The following ELL2 variants were observed in gnomAD, a reference collection of about 807,000 sequenced individuals.
ELL2 encodes elongation factor for RNA polymerase II 2.
In ELL2, 21 loss-of-function variants were observed where a neutral mutation model predicts 72.8. The observed-to-expected ratio is 0.29, with a 90% CI of 0.20 to 0.42. The LOEUF is 0.42. Ranked by LOEUF, ELL2 falls within the 10% of genes least tolerant of loss-of-function variation. The probability of loss-of-function intolerance (pLI) is 1.00; values close to 1 mark genes in which losing one functional copy is unlikely to be tolerated. For missense variants in ELL2, 568 were observed against 772.8 expected, an observed-to-expected ratio of 0.73 and a Z score of 3.14; for synonymous variants, 266 against 283.2, an observed-to-expected ratio of 0.94 and a Z score of 0.61.
At chr5:95,913,163 T>C (rs1238258919) in intron 4 of ELL2, among the ~76,000 whole-genome samples, 9 of 152,170 alleles carry the variant, frequency 5.9e-5, no homozygotes, top group Non-Finnish European at 1.5e-5. Context: ...ATGATAAAAA[T>C]GATGGGGGTC....
At chr5:95,944,142 A>T (rs972925459) in intron 1 of ELL2, among the ~76,000 whole-genome samples, 4 of 152,184 alleles carry the variant, frequency 2.6e-5, no homozygotes, top group African/African-American at 9.7e-5. Flanking sequence ...AATGCTTCCC[A>T]AAACTTCTCT....
chr5:95,955,574 C>G (rs1213771569), intron 1 of ELL2, among the ~76,000 whole-genome samples: 1 of 152,170 alleles, frequency 6.6e-6, no homozygotes, highest in Non-Finnish European at 1.5e-5. Context: ...TCGCTGGTAA[C>G]CTGACCCGAG....
At chr5:95,943,078 G>A in intron 1 of ELL2, 29 bp from the exon 2 acceptor site, 2 of 1,572,758 alleles carry the variant, frequency 1.3e-6, no homozygotes, top group Non-Finnish European at 1.7e-6. Context: ...GAAACAAACA[G>A]GTAAACCTTG....
At chr5:95,938,894 AAGTT>A (rs777763667) in intron 2 of ELL2, among the ~76,000 whole-genome samples, 120 of 152,278 alleles carry the variant, frequency 7.9e-4, no homozygotes, top group Admixed American at 2.1e-3. Context: ...TACTGTGACA[AAGTT>A]AGCATTATTT....
At chr5:95,922,663 T>C (rs1319713350) in intron 2 of ELL2, among the ~76,000 whole-genome samples, 1 of 152,248 alleles carries the variant, frequency 6.6e-6, no homozygotes, top group Non-Finnish European at 1.5e-5. Flanking sequence ...TATGCATTTT[T>C]TTCTCTTAAA....
intron 1 of ELL2, among the ~76,000 whole-genome samples, chr5:95,957,398 A>AAT (rs546005102): frequency 2.5e-4 from 38 of 152,356 alleles, no homozygotes; most frequent in African/African-American, 8.2e-4. Context: ...AACAATTTAA[A>AAT]ATGACTATAA....
At chr5:95,901,688 A>G (rs1749149928) in intron 5 of ELL2, among the ~76,000 whole-genome samples, 1 of 152,222 alleles carries the variant, frequency 6.6e-6, no homozygotes, top group African/African-American at 2.4e-5. Flanking sequence ...ACAACAGTCG[A>G]TTTGAAAACG....
intron 5 of ELL2, among the ~76,000 whole-genome samples, chr5:95,903,756 T>C: frequency 6.6e-6 from 1 of 152,172 alleles, no homozygotes; most frequent in East Asian, 1.9e-4. Context: ...CATATAACTA[T>C]CTACTGACAT....
chr5:95,919,659 T>G, intron 2 of ELL2, 114 bp from the exon 3 acceptor site: 24 of 1,250,934 alleles, frequency 1.9e-5, no homozygotes, highest in Non-Finnish European at 2.6e-5. Context: ...TAAGCCCTTT[T>G]GATATATACA....
At chr5:95,914,920 G>A (rs1004812012) in intron 3 of ELL2, among the ~76,000 whole-genome samples, 1 of 152,114 alleles carries the variant, frequency 6.6e-6, no homozygotes, top group South Asian at 2.1e-4. Context: ...AGATGGCTCT[G>A]TTTCAAAGTA....
intron 8 of ELL2, among the ~76,000 whole-genome samples, chr5:95,896,514 T>C (rs1748883121): frequency 6.6e-6 from 1 of 152,236 alleles, no homozygotes; most frequent in Admixed American, 6.5e-5. Flanking sequence ...CTCGGTTTAA[T>C]ATTTTAAAGG....
chr5:95,926,981 T>C (rs1026769877), intron 2 of ELL2, among the ~76,000 whole-genome samples: 2 of 152,190 alleles, frequency 1.3e-5, no homozygotes, highest in African/African-American at 2.4e-5. Flanking sequence ...TCTCTATTAA[T>C]ATGAAATTAG....
Position 95,919,476 on chromosome 5 carries a change from C to A in ELL2, c.265G>T (p.Gly89Cys). 1 of 1,594,202 alleles carries A rather than the reference C, an allele frequency of 6.3e-7. No individual in the cohort carries two copies. Among genetic ancestry groups the A allele is most frequent in the Non-Finnish European group, 8.5e-7 (1 of 1,173,480 alleles). Residue 89 changes from glycine (G) to cysteine (C), a missense_variant, in exon 3 of 12, where the codon GGC (glycine) becomes TGC (cysteine). Physicochemically the swap from Gly to Cys is radical, Grantham distance 159. This residue lies in a region of ELL2 where 511 missense variants were observed against 728.4 expected (regional missense o/e 0.70). Transcript: ENST00000237853. Reference protein sequence around the residue: ...HNFNFYLSNVGKDNPQGSFDC... With the variant: ...HNFNFYLSNVCKDNPQGSFDC... The stretch of plus-strand genomic sequence containing the variant: ...AAGCTGCCCTGAGGGTTGTCTTTGC[C>A]CACATTTGACAAATAAAAGTTAAAG...
chr5:95,923,397 A>G (rs976363139), intron 2 of ELL2, among the ~76,000 whole-genome samples: 1 of 152,172 alleles, frequency 6.6e-6, no homozygotes, highest in Non-Finnish European at 1.5e-5. Context: ...TGATAGCAGA[A>G]CTTCTCAACA....
rs1295881540 is a variant in ELL2 at position 95,885,610 on chromosome 5, A to G, written c.*3261T>C. On this transcript the variant is annotated 3_prime_UTR_variant, in exon 12 of 12. Transcript: ENST00000237853. ...AATGAAAAGGGTAAGGCATCCAAGC[A>G]GAGTGTCTGAATTGATGGACCACTT... 1.3e-5 allele frequency: 2 copies of G among 152,258 alleles called. No individual in the cohort carries two copies. The highest frequency in any genetic ancestry group is 2.9e-5 in the Non-Finnish European group (2 of 68,050). The allele number at this position is 152,258 out of a possible 1,614,324, so 9.4% of individuals were successfully genotyped here.
In ELL2 at chr5:95,888,949, T is replaced by C. The variant is rs188188780; in HGVS notation, c.1845A>G (p.Glu615=). 3.1e-4 allele frequency: 504 copies of C among 1,609,394 alleles called. 2 individuals carry two copies. In the East Asian group the frequency reaches 0.01, roughly 32 times the overall value. ...PNYHEEKYRC[E]YLHNKLAHIK... ...TGTGAGCCAGCTTGTTATGAAGATA[T>C]TCACATCTGTATTTTTCTTCATGGT... Residue 615 remains glutamate (E), a synonymous_variant, in exon 12 of 12, where the codon GAA becomes GAG. Transcript: ENST00000237853.
rs1748426371 is a variant in ELL2, at chr5:95,885,254, T to TA, written c.*3616_*3617insT. On this transcript the variant is annotated 3_prime_UTR_variant, in exon 12 of 12. Coordinates refer to ENST00000237853, the MANE Select transcript of ELL2 (RefSeq NM_012081.6). ...ACAGCTGAGAAACAGCATATATATA[T>TA]TTTAACACCTCAAAATAGTTTGAAA... 1 of 152,200 alleles carries TA rather than the reference T, an allele frequency of 6.6e-6. No individual in the cohort carries two copies. Among genetic ancestry groups the TA allele is most frequent in the African/African-American group, 2.4e-5 (1 of 41,446 alleles). The allele number at this position is 152,200 out of a possible 1,614,324, so 9.4% of individuals were successfully genotyped here.
intron 5 of ELL2, 82 bp downstream of exon 5, chr5:95,906,441 G>T: frequency 7.0e-7 from 1 of 1,422,112 alleles, no homozygotes; most frequent in African/African-American, 1.4e-5. Flanking sequence ...CAATAATAAT[G>T]ATAATAATGA....
intron 3 of ELL2, among the ~76,000 whole-genome samples, chr5:95,915,736 G>A (rs571326211): frequency 6.0e-4 from 92 of 152,312 alleles, no homozygotes; most frequent in African/African-American, 2.1e-3. Context: ...GGGGGAAGAA[G>A]AATGAAAGTG....
Sources: allele counts gnomAD v4.1 joint callset (sites outside exome capture counted in the v4.1 genomes callset), GRCh38; gene constraint gnomAD v4.1.1; regional missense constraint gnomAD v4.1.1; transcripts MANE v1.5; gene names NCBI Gene and HGNC (gene_info 2026-07-23, HGNC 2026-07-21).